The following NTN1 variants were observed in gnomAD, a reference collection of about 807,000 sequenced individuals.
NTN1 encodes netrin-1.
A neutral mutation model predicts 54.2 loss-of-function variants in NTN1; 11 were observed. That is an observed-to-expected ratio of 0.20 (90% confidence interval 0.13 to 0.34). NTN1 has a LOEUF of 0.34. Among genes scored for constraint, NTN1 ranks in the 10% least tolerant of loss-of-function variants. The pLI, the probability that NTN1 is intolerant of heterozygous loss-of-function variation, is 1.00. For synonymous variants in NTN1, 371 were observed against 382.0 expected (o/e 0.97, Z 0.33); for missense variants, 740 against 893.1 (o/e 0.83, Z 2.18).
chr17:9,191,132 A>T (rs1471916190), intron 5 of NTN1, among the ~76,000 whole-genome samples: 1 of 152,212 alleles, frequency 6.6e-6, no homozygotes, highest in Non-Finnish European at 1.5e-5. Context: ...ACATGACACA[A>T]ATGTCAAAAA....
intron 5 of NTN1, among the ~76,000 whole-genome samples, chr17:9,209,069 T>C (rs1172993581): frequency 6.6e-6 from 1 of 152,218 alleles, no homozygotes; most frequent in Non-Finnish European, 1.5e-5. Flanking sequence ...CAGCACCTTC[T>C]CATCCTTCAG....
At position 9,108,935 on chromosome 17, in the gene NTN1, G is replaced by A. The variant is rs139446637; in HGVS notation, c.1019-53878G>A. On this transcript the variant is annotated intron_variant, in intron 2 of 6. Transcript: ENST00000173229. ...TCTGTTGCCTAGGCTGGAGTGCAGT[G>A]GTGTGATCTCGGCTCACTGCAACCT... is the stretch of plus-strand genomic sequence containing the variant. Among the ~76,000 whole-genome samples the A allele has an allele frequency of 6.8e-3, 1,027 of 152,124 alleles. 12 individuals carry two copies. The highest frequency in any genetic ancestry group is 0.021 in the African/African-American group (886 of 41,486).
intron 2 of NTN1, among the ~76,000 whole-genome samples, chr17:9,114,944 GTCTGTAT>G (rs1470845201): frequency 2.0e-5 from 3 of 152,316 alleles, no homozygotes; most frequent in African/African-American, 7.2e-5. Flanking sequence ...CCCAAGGGCA[GTCTGTAT>G]TTCTAGAACC....
intron 2 of NTN1, among the ~76,000 whole-genome samples, chr17:9,055,589 G>A (rs1373427868): frequency 6.6e-6 from 1 of 152,232 alleles, no homozygotes; most frequent in Non-Finnish European, 1.5e-5. Context: ...ACGTGAGGAG[G>A]TCCTGGTGCA....
At chr17:9,021,867 A>G (rs1407080593) in intron 1 of NTN1, among the ~76,000 whole-genome samples, 1 of 152,112 alleles carries the variant, frequency 6.6e-6, no homozygotes, top group South Asian at 2.1e-4. Context: ...TGCCCCCTCC[A>G]GAGGTAAAGT....
chr17:9,167,133 A>G (rs2092375640), intron 3 of NTN1, among the ~76,000 whole-genome samples: 1 of 152,218 alleles, frequency 6.6e-6, no homozygotes. Flanking sequence ...GCGATTTCAC[A>G]GCACTGGGAC....
At chr17:9,082,369 G>A (rs2092074217) in intron 2 of NTN1, among the ~76,000 whole-genome samples, 1 of 152,166 alleles carries the variant, frequency 6.6e-6, no homozygotes, top group African/African-American at 2.4e-5. Flanking sequence ...CCAGCATCTT[G>A]TATTTTTAAA....
the NTN1 span, among the ~76,000 whole-genome samples, chr17:9,011,258 T>A: frequency 1.3e-5 from 2 of 152,136 alleles, no homozygotes; most frequent in Non-Finnish European, 2.9e-5. Flanking sequence ...CACAGACTAG[T>A]GGTAGTTCCT....
chr17:9,239,857 C>A lies in NTN1; in HGVS notation c.1704C>A (p.Ser568Arg), dbSNP rs1906128535. The A allele has an allele frequency of 2.5e-6, 4 of 1,612,502 alleles. No homozygotes were observed. The highest frequency in any genetic ancestry group is 3.4e-6 in the Non-Finnish European group (4 of 1,179,758). The part of the protein sequence containing the change: ...LGNAEDSPDQ[S>R]GIVADKSSLV... ...ACGCGGAGGACTCTCCGGACCAGAG[C>A]GGCATCGTGGCCGATAAAAGCAGCC... Residue 568 changes from serine (S) to arginine (R), a missense_variant, in exon 7 of 7, where the codon AGC becomes AGA. Physicochemically the swap from Ser to Arg is moderately radical, Grantham distance 110 (BLOSUM62 -1). Coordinates refer to ENST00000173229, the MANE Select transcript of NTN1 (RefSeq NM_004822.3). This position sits in a 1 kb window ranked among gnomAD's most constrained non-coding sequence, Gnocchi z 5.2.
At chr17:9,193,938 A>AAAAAAAAAAAAAAAAAAAC (rs796452392) in intron 5 of NTN1, among the ~76,000 whole-genome samples, 2 of 108,304 alleles carry the variant, frequency 1.8e-5, no homozygotes, top group Non-Finnish European at 3.8e-5. Context: ...AAAAAAAAAA[A>AAAAAAAAAAAAAAAAAAAC]AAAAAACATT....
At chr17:9,179,512 A>G (rs1475773190) in intron 3 of NTN1, among the ~76,000 whole-genome samples, 2 of 152,228 alleles carry the variant, frequency 1.3e-5, no homozygotes, top group African/African-American at 2.4e-5. Flanking sequence ...CTTCCCGAGA[A>G]GGTATTTGAA....
In NTN1 at chr17:9,078,516, C is replaced by T. The variant is rs116772884; in HGVS notation, c.1018+55125C>T. Among the ~76,000 whole-genome samples the T allele has an allele frequency of 3.4e-3, 511 of 152,348 alleles. 3 individuals carry two copies. Among genetic ancestry groups the T allele is most frequent in the African/African-American group, 0.011 (462 of 41,584 alleles). ...GAGTACCTGAGAGTCTGCATGAATT[C>T]TGGCAGAAATAGCTTCAGCCTTACC... On this transcript the variant is annotated intron_variant, in intron 2 of 6. Transcript: ENST00000173229.
In NTN1 at chr17:9,206,573, TGG is replaced by T. The variant is rs149240338; in HGVS notation, c.1412-14591_1412-14590del. 1.9e-3 allele frequency among the ~76,000 whole-genome samples: 283 copies of T among 152,212 alleles called. 6 individuals are homozygous for T. In the East Asian group the frequency reaches 0.039, roughly 21 times the overall value. On this transcript the variant is annotated intron_variant, in intron 5 of 6. Transcript: ENST00000173229. ...AGCGTGCCTCTCCGTGCCTTCCCTT[TGG>T]GGGTCCCGGTGCACTAGGCAGGAAT...
At chr17:9,061,985 GA>G (rs1369067815) in intron 2 of NTN1, among the ~76,000 whole-genome samples, 1 of 152,194 alleles carries the variant, frequency 6.6e-6, no homozygotes, top group Non-Finnish European at 1.5e-5. Context: ...TTACAGGTGT[GA>G]GCCACCACAG....
At chr17:9,032,214 G>A (rs1326398537) in intron 2 of NTN1, among the ~76,000 whole-genome samples, 1 of 152,176 alleles carries the variant, frequency 6.6e-6, no homozygotes, top group Non-Finnish European at 1.5e-5. Context: ...GAAAGGATTG[G>A]ATTTTAGTCC....
chr17:9,158,745 G>C (rs1199855462), intron 2 of NTN1, among the ~76,000 whole-genome samples: 5 of 152,138 alleles, frequency 3.3e-5, no homozygotes, highest in Non-Finnish European at 7.4e-5. Context: ...GTGTGTGCAG[G>C]CGTGACAGTC....
chr17:9,114,166 A>AAAAAAAAAAAAATATATAT (rs1555569108), intron 2 of NTN1, among the ~76,000 whole-genome samples: 2 of 74,658 alleles, frequency 2.7e-5, no homozygotes, highest in Non-Finnish European at 5.0e-5. Flanking sequence ...AAAAAAAAAA[A>AAAAAAAAAAAAATATATAT]ATATATATAT....
At position 9,218,119 on chromosome 17, in the gene NTN1, C is replaced by A. The variant is rs140922518; in HGVS notation, c.1412-3049C>A. The stretch of plus-strand genomic sequence containing the variant: ...TAGAACCATCTGGGGAACATTAAAA[C>A]TTCAGACACTCCGGCCATTCCCTAA... On this transcript the variant is annotated intron_variant, in intron 5 of 6. Coordinates refer to ENST00000173229, the MANE Select transcript of NTN1 (RefSeq NM_004822.3). Among the ~76,000 whole-genome samples the A allele has an allele frequency of 5.6e-3, 857 of 152,310 alleles. 7 individuals carry two copies. The highest frequency in any genetic ancestry group is 0.02 in the African/African-American group (822 of 41,562).
At chr17:9,113,154 G>A (rs1226638465) in intron 2 of NTN1, among the ~76,000 whole-genome samples, 1 of 151,442 alleles carries the variant, frequency 6.6e-6, no homozygotes, top group Non-Finnish European at 1.5e-5. Flanking sequence ...CTCCCGAGTA[G>A]CTGGGATTAC....
Sources: allele counts gnomAD v4.1 joint callset (sites outside exome capture counted in the v4.1 genomes callset), GRCh38; gene constraint gnomAD v4.1.1; non-coding constraint Gnocchi (gnomAD v3.1); transcripts MANE v1.5; gene names NCBI Gene and HGNC (gene_info 2026-07-23, HGNC 2026-07-21).